SYNE1: variants seen among roughly 807,000 people sequenced by gnomAD.
SYNE1 encodes spectrin repeat containing nuclear envelope protein 1, also known as nesprin-1.
Under a neutral mutation model 1,111.0 loss-of-function variants are expected in SYNE1, and 616 were observed. That is an observed-to-expected ratio of 0.55 (90% CI 0.52 to 0.59). The LOEUF (loss-of-function observed/expected upper bound fraction) is 0.59, where lower values mean the gene tolerates loss of function less well. Ranked by LOEUF, SYNE1 falls within the 20% of genes least tolerant of loss-of-function variation. SYNE1 has a pLI of 0.00. For missense variants in SYNE1, 10,006 were observed against 10,417.0 expected, an observed-to-expected ratio of 0.96 and a Z score of 1.72; for synonymous variants, 3,855 against 3,825.8, an observed-to-expected ratio of 1.01 and a Z score of -0.28.
intron 75 of SYNE1, among the ~76,000 whole-genome samples, chr6:152,337,673 T>C (rs1590403850): frequency 6.6e-6 from 1 of 152,264 alleles, no homozygotes; most frequent in Admixed American, 6.5e-5. Flanking sequence ...GATTCATCTG[T>C]ATGACTCATG....
At chr6:152,377,640 A>AATATATATATATATATAT (rs1369932106) in intron 56 of SYNE1, among the ~76,000 whole-genome samples, 2 of 33,878 alleles carry the variant, frequency 5.9e-5, no homozygotes, top group African/African-American at 3.0e-4. Flanking sequence ...AAAAAAAAAA[A>AATATATATATATATATAT]ATATATATAT....
chr6:152,367,388 A>G lies in SYNE1; in HGVS notation c.9808-6T>C, dbSNP rs766683502. ...TCCAGTCTTGACACTTTCTCCTGGA[A>G]ATGACAGAAATGGTTTTCGAGCTGT... is the stretch of plus-strand genomic sequence containing the variant. On this transcript the variant is annotated splice_polypyrimidine_tract_variant and splice_region_variant and intron_variant, in intron 61 of 145. Transcript: ENST00000367255. 1 of 1,613,868 alleles carries G rather than the reference A, an allele frequency of 6.2e-7. No individual in the cohort carries two copies. Among genetic ancestry groups the G allele is most frequent in the South Asian group, 1.1e-5 (1 of 91,084 alleles).
chr6:152,444,710 G>T, intron 29 of SYNE1, 132 bp from the exon 30 acceptor site: 1 of 797,014 alleles, frequency 1.3e-6, no homozygotes. Flanking sequence ...ACTGTGAAAT[G>T]ATTCTCCACA....
rs2154265715 is a variant in SYNE1, at chr6:152,461,812, G to A, written c.2251-72C>T. On this transcript the variant is annotated intron_variant, in intron 20 of 145. Transcript: ENST00000367255. ...TCTTAACTTCCGGATTCCACAGAAGGCAGAACAAAAATCAATATGCACTGT... is the reference window on the plus strand; with the variant it reads ...TCTTAACTTCCGGATTCCACAGAAGACAGAACAAAAATCAATATGCACTGT... 4.4e-6 allele frequency: 7 copies of A among 1,601,044 alleles called. No individual in the cohort carries two copies. In the South Asian group the frequency reaches 7.7e-5, roughly 18 times the overall value.
intron 3 of SYNE1, among the ~76,000 whole-genome samples, chr6:152,613,340 T>C (rs980520883): frequency 1.3e-5 from 2 of 152,116 alleles, no homozygotes; most frequent in Non-Finnish European, 2.9e-5. Flanking sequence ...TCACAAGCAT[T>C]CCTATAAACC....
chr6:152,598,679 G>C (rs1420294204), intron 3 of SYNE1, among the ~76,000 whole-genome samples: 1 of 152,158 alleles, frequency 6.6e-6, no homozygotes, highest in Non-Finnish European at 1.5e-5. Context: ...GGACAATGTG[G>C]CAATTAGTCA....
chr6:152,488,393 T>C lies in SYNE1; in HGVS notation c.1047+3A>G. ...AAATTCAAAAATCTTCTCCATACAA[T>C]ACCTGATATTTATCCTGTAAATTTG... On this transcript the variant is annotated splice_donor_region_variant and intron_variant, in intron 12 of 145. Transcript: ENST00000367255. The C allele has an allele frequency of 6.5e-7, 1 of 1,534,620 alleles. No homozygotes were observed. The highest frequency in any genetic ancestry group is 9.0e-7 in the Non-Finnish European group (1 of 1,110,080).
chr6:152,184,087 C>T (rs73617341), intron 128 of SYNE1, among the ~76,000 whole-genome samples: 1,534 of 152,244 alleles, frequency 0.01, 26 homozygotes, highest in African/African-American at 0.029. Flanking sequence ...TCTATGTGCC[C>T]AGCACTGTCC....
intron 140 of SYNE1, among the ~76,000 whole-genome samples, chr6:152,137,485 G>C (rs971879140): frequency 1.3e-5 from 2 of 152,114 alleles, no homozygotes; most frequent in Non-Finnish European, 2.9e-5. Flanking sequence ...AATGAATTGG[G>C]TATTTCATGA....
rs1562526725 is a variant in SYNE1, at chr6:152,253,817, GGTTTT to G, written c.19470+1058_19470+1062del. On this transcript the variant is annotated intron_variant, in intron 104 of 145. Coordinates refer to ENST00000367255, the MANE Select transcript of SYNE1 (RefSeq NM_182961.4). ...ATGCTACATTTATGTGTAGTGGTTT[GGTTTT>G]TTTTTTTTTTTTTTTTTTTTTTTTT... Among the ~76,000 whole-genome samples the G allele has an allele frequency of 1.7e-4, 10 of 59,156 alleles. 1 individual carries two copies. The highest frequency in any genetic ancestry group is 7.5e-4 in the Admixed American group (3 of 4,008). 38.8% of individuals were successfully genotyped at this position (59,156 alleles called of 152,430 possible). A position where few individuals can be genotyped will look rare whatever the true frequency, so the allele number is the denominator to read the frequency against.
chr6:152,629,330 A>T (rs1338366696), intron 2 of SYNE1, among the ~76,000 whole-genome samples: 1 of 151,398 alleles, frequency 6.6e-6, no homozygotes, highest in Non-Finnish European at 1.5e-5. Context: ...TCAGCCTCCT[A>T]AGTAGCTGGG....
At chr6:152,463,321 C>T (rs767742675) in intron 19 of SYNE1, 32 bp downstream of exon 19, 9 of 1,613,338 alleles carry the variant, frequency 5.6e-6, no homozygotes, top group Middle Eastern at 1.7e-4. Flanking sequence ...AACACATACA[C>T]GTTGAGGTGT....
chr6:152,328,012 G>T (rs2096126606), intron 78 of SYNE1, among the ~76,000 whole-genome samples: 1 of 152,118 alleles, frequency 6.6e-6, no homozygotes, highest in South Asian at 2.1e-4. Context: ...ACTATTTAAA[G>T]TGTTAACCTT....
rs1173957225 is a variant in SYNE1 at position 152,192,710 on chromosome 6, A to G, written c.23146-3303T>C. On this transcript the variant is annotated intron_variant, in intron 127 of 145. Coordinates refer to ENST00000367255, the MANE Select transcript of SYNE1 (RefSeq NM_182961.4). The stretch of plus-strand genomic sequence containing the variant: ...GCTGTTCTCAAACATATAAATATAT[A>G]TTATATATTTATCTGGGTGGTCCAG... Among the ~76,000 whole-genome samples the G allele has an allele frequency of 2.6e-5, 4 of 152,066 alleles. No homozygotes were observed. In the East Asian group the frequency reaches 5.8e-4, roughly 22 times the overall value.
intron 3 of SYNE1, among the ~76,000 whole-genome samples, chr6:152,573,282 T>G (rs1382443489): frequency 1.3e-5 from 2 of 151,506 alleles, no homozygotes; most frequent in Non-Finnish European, 1.5e-5. Flanking sequence ...GCTGCACCCA[T>G]TAACTCGTCA....
intron 12 of SYNE1, among the ~76,000 whole-genome samples, chr6:152,485,947 A>C (rs1386776595): frequency 6.6e-6 from 1 of 152,196 alleles, no homozygotes. Context: ...CTGTAACCCC[A>C]GCACTTTTGG....
At chr6:152,590,278 G>A (rs1420865116) in intron 3 of SYNE1, among the ~76,000 whole-genome samples, 1 of 151,596 alleles carries the variant, frequency 6.6e-6, no homozygotes, top group Admixed American at 6.6e-5. Flanking sequence ...GTGTTCATCT[G>A]AATGAAATAG....
chr6:152,284,730 G>A (rs1028218095), intron 95 of SYNE1, among the ~76,000 whole-genome samples: 1 of 149,772 alleles, frequency 6.7e-6, no homozygotes, highest in African/African-American at 2.5e-5. Flanking sequence ...ACAGGCATGA[G>A]CCACCACATT....
In SYNE1 at chr6:152,330,587, C is replaced by T; in HGVS notation, c.14098G>A (p.Val4700Ile). The change falls in exon 78 of 146, where the codon GTT (valine) becomes ATT (isoleucine). Residue 4700 changes from valine to isoleucine, a missense_variant. Physicochemically the swap from Val to Ile is conservative, Grantham distance 29 (BLOSUM62 3). Coordinates refer to ENST00000367255, the MANE Select transcript of SYNE1 (RefSeq NM_182961.4). ...LEAQFLRMSK[V>I]PTDLAVEEAL... is the part of the protein sequence containing the mutation. ...TCCTCAACGGCCAGGTCGGTGGGAA[C>T]TTTGCTCATCCTCAAGAATTGGGCT... 2 of 1,613,776 alleles carry T rather than the reference C, an allele frequency of 1.2e-6. No homozygotes were observed. The highest frequency in any genetic ancestry group is 1.7e-6 in the Non-Finnish European group (2 of 1,180,030).
Sources: allele counts gnomAD v4.1 joint callset (sites outside exome capture counted in the v4.1 genomes callset), GRCh38; gene constraint gnomAD v4.1.1; transcripts MANE v1.5; gene names NCBI Gene and HGNC (gene_info 2026-07-23, HGNC 2026-07-21).